The following RNF19B variants were observed in gnomAD, a reference collection of about 807,000 sequenced individuals.
RNF19B encodes the protein ring finger protein 19B.
RNF19B carries 23 observed loss-of-function variants against 65.5 expected under a neutral mutation model. The ratio of observed to expected loss-of-function variants is 0.35; its 90% CI spans 0.25 to 0.50. The LOEUF is 0.50. RNF19B is among the 20% of genes least tolerant of loss of function. The probability of loss-of-function intolerance (pLI) is 0.98; values close to 1 mark genes in which losing one functional copy is unlikely to be tolerated. For missense variants in RNF19B, 794 were observed against 980.0 expected, an observed-to-expected ratio of 0.81 and a Z score of 2.53; for synonymous variants, 372 against 379.6, an observed-to-expected ratio of 0.98 and a Z score of 0.23.
At chr1:32,946,849 C>G (rs1642377817) in intron 3 of RNF19B, among the ~76,000 whole-genome samples, 1 of 152,178 alleles carries the variant, frequency 6.6e-6, no homozygotes, top group South Asian at 2.1e-4. Context: ...CAAAACTGAT[C>G]TAGCTTCCAT....
chr1:32,953,504 T>C (rs1424075303), intron 1 of RNF19B, among the ~76,000 whole-genome samples: 1 of 152,124 alleles, frequency 6.6e-6, no homozygotes, highest in Non-Finnish European at 1.5e-5. Context: ...AGTCTGCAAA[T>C]TGACTTGAGA....
chr1:32,945,584 C>T lies in RNF19B; in HGVS notation c.1191G>A (p.Arg397=). ...YEGRKTSKHK[R]NLAITGGVTL... is the part of the protein sequence containing the mutation. Reference sequence around the variant, plus strand: ...TCACTCCTCCAGTGATAGCCAAATTCCTCTTGTGTTTGGAGGTTTTCCTTC... The same window carrying T: ...TCACTCCTCCAGTGATAGCCAAATTTCTCTTGTGTTTGGAGGTTTTCCTTC... The change falls in exon 5 of 9, where the codon AGG becomes AGA. Residue 397 remains arginine (R), a synonymous_variant. Transcript: ENST00000235150. 6 of 1,613,930 alleles carry T rather than the reference C, an allele frequency of 3.7e-6. No homozygotes were observed. Among genetic ancestry groups the T allele is most frequent in the Non-Finnish European group, 5.1e-6 (6 of 1,179,836 alleles).
chr1:32,938,956 C>T (rs1163949628), intron 7 of RNF19B, among the ~76,000 whole-genome samples: 2 of 152,224 alleles, frequency 1.3e-5, no homozygotes, highest in African/African-American at 2.4e-5. Context: ...AGTTCTATCA[C>T]TCCCTATAGA....
intron 7 of RNF19B, 53 bp downstream of exon 7, chr1:32,942,199 T>G (rs1406251601): frequency 1.4e-6 from 2 of 1,427,372 alleles, no homozygotes; most frequent in Non-Finnish European, 2.0e-6. Context: ...TGGCTCAATG[T>G]GTTACTTCTT....
chr1:32,964,490 CGGGCGGCGGCTGCGCAGCCGG>C lies in RNF19B; in HGVS notation c.175_195del (p.Pro59_Pro65del), dbSNP rs1015946368. The C allele has an allele frequency of 4.5e-5, 42 of 939,516 alleles. No individual in the cohort carries two copies. Among genetic ancestry groups the C allele is most frequent in the African/African-American group, 1.3e-4 (7 of 54,724 alleles). 58.2% of individuals were successfully genotyped at this position (939,516 alleles called of 1,614,324 possible). Reference sequence around the variant, plus strand: ...CCCTGGGCCGCGGCAGGGGCCGGGGCGGGCGGCGGCTGCGCAGCCGGGGGCGGCGGCTCGGCCTGCGGCTTG... The same window carrying C: ...CCCTGGGCCGCGGCAGGGGCCGGGGCGGGCGGCGGCTCGGCCTGCGGCTTG... On this transcript the variant is annotated inframe_deletion, in exon 1 of 9. Transcript: ENST00000235150. The surrounding 1 kb of genome is among the most constrained non-coding windows in gnomAD (Gnocchi z 6.5).
chr1:32,950,788 C>T (rs1642476355), intron 1 of RNF19B, among the ~76,000 whole-genome samples: 1 of 151,874 alleles, frequency 6.6e-6, no homozygotes, highest in African/African-American at 2.4e-5. Flanking sequence ...CAGCCTGCCT[C>T]AGCCTCCCAA....
At chr1:32,933,955 TTGATTTTA>T (rs1294903302), downstream of RNF19B, among the ~76,000 whole-genome samples, 1 of 152,178 alleles carries the variant, frequency 6.6e-6, no homozygotes, top group South Asian at 2.1e-4. Context: ...ACAGACTTCT[TTGATTTTA>T]TCAAAGAAGT....
chr1:32,960,743 TC>T (rs1424931558), intron 1 of RNF19B, among the ~76,000 whole-genome samples: 5 of 151,812 alleles, frequency 3.3e-5, no homozygotes, highest in Non-Finnish European at 2.9e-5. Flanking sequence ...GCAGCAATAA[TC>T]CCAGCACTTT....
intron 1 of RNF19B, among the ~76,000 whole-genome samples, chr1:32,951,724 C>G (rs189585190): frequency 1.3e-5 from 2 of 152,182 alleles, no homozygotes; most frequent in African/African-American, 4.8e-5. Flanking sequence ...CTCCAGAATC[C>G]AAGAATACCA....
chr1:32,956,616 C>T (rs1009065227), intron 1 of RNF19B, among the ~76,000 whole-genome samples: 2 of 152,016 alleles, frequency 1.3e-5, no homozygotes, highest in African/African-American at 2.4e-5. Context: ...GACTACAGAC[C>T]GCCCACCCCA....
Position 32,964,784 on chromosome 1 carries a change from A to G in RNF19B, c.-99T>C. ...CCCGGCCGCCGCCGACGCCGCCACC[A>G]CCGCCTCAACCGCCCTCCCGGCGAT... On this transcript the variant is annotated 5_prime_UTR_variant, in exon 1 of 9. Coordinates refer to ENST00000235150, the MANE Select transcript of RNF19B (RefSeq NM_001300826.2). This position sits in a 1 kb window ranked among gnomAD's most constrained non-coding sequence, Gnocchi z 6.5. The G allele has an allele frequency of 9.2e-7, 1 of 1,083,990 alleles. No individual in the cohort carries two copies. Among genetic ancestry groups the G allele is most frequent in the East Asian group, 3.7e-5 (1 of 27,294 alleles). The allele number at this position is 1,083,990 out of a possible 1,614,324, so 67.1% of individuals were successfully genotyped here. A position where few individuals can be genotyped will look rare whatever the true frequency, so the allele number is the denominator to read the frequency against.
chr1:32,942,522 T>C (rs1642261392), intron 6 of RNF19B, 63 bp from the exon 7 acceptor site: 1 of 1,419,924 alleles, frequency 7.0e-7, no homozygotes, highest in Non-Finnish European at 9.9e-7. Flanking sequence ...AGTAGGCATT[T>C]TCCTGCAATG....
rs567885246 is a variant in RNF19B, at chr1:32,941,278, T to C, written c.1610+974A>G. On this transcript the variant is annotated intron_variant, in intron 7 of 8. Transcript: ENST00000235150. ...AACCATGATGGGCTGGGTGTGGTGG[T>C]TCATGCTTGTAATCCCAGCACTTTG... Among the ~76,000 whole-genome samples the C allele has an allele frequency of 3.7e-4, 56 of 151,928 alleles. No homozygotes were observed. The South Asian group carries it at 0.011, about 30-fold the overall frequency.
intron 1 of RNF19B, among the ~76,000 whole-genome samples, chr1:32,952,107 T>C (rs1275773493): frequency 6.6e-6 from 1 of 151,732 alleles, no homozygotes; most frequent in African/African-American, 2.4e-5. Flanking sequence ...CTGTGACACA[T>C]ATTCTTCATG....
chr1:32,944,308 T>C (rs1570092262), intron 5 of RNF19B, 149 bp from the exon 6 acceptor site: 4 of 776,688 alleles, frequency 5.2e-6, no homozygotes, highest in East Asian at 2.7e-5. Flanking sequence ...TGTAACAGAA[T>C]GATGACCAGG....
At chr1:32,939,927 C>G (rs1420959580) in intron 7 of RNF19B, among the ~76,000 whole-genome samples, 1 of 152,150 alleles carries the variant, frequency 6.6e-6, no homozygotes, top group Non-Finnish European at 1.5e-5. Flanking sequence ...AGTGAATATG[C>G]CAGCATGTGG....
Position 32,938,387 on chromosome 1 carries a change from G to A in RNF19B, c.1742+10C>T, listed in dbSNP as rs1642158439. The stretch of plus-strand genomic sequence containing the variant: ...TGCAACCTCTCCTGGACATCTGACT[G>A]TTCACATACCTGTCCTGTGGGTTGT... On this transcript the variant is annotated intron_variant, in intron 8 of 8. Transcript: ENST00000235150. 1 of 1,613,916 alleles carries A rather than the reference G, an allele frequency of 6.2e-7. No homozygotes were observed. Among genetic ancestry groups the A allele is most frequent in the Non-Finnish European group, 8.5e-7 (1 of 1,179,996 alleles).
rs1417854733 is a variant in RNF19B at position 32,955,551 on chromosome 1, A to G, written c.636-5777T>C. Among the ~76,000 whole-genome samples the G allele has an allele frequency of 3.3e-5, 5 of 149,808 alleles. 1 individual carries two copies. Among genetic ancestry groups the G allele is most frequent in the Non-Finnish European group, 7.5e-5 (5 of 66,480 alleles). ...TCGAGACCAGTCTGGGCAACATGGC[A>G]AAACCCCATCTCTACAAAAAAAAAA... is the stretch of plus-strand genomic sequence containing the variant. On this transcript the variant is annotated intron_variant, in intron 1 of 8. Transcript: ENST00000235150.
chr1:32,942,569 G>A, intron 6 of RNF19B, 110 bp from the exon 7 acceptor site: 3 of 831,708 alleles, frequency 3.6e-6, no homozygotes, highest in Non-Finnish European at 5.7e-6. Flanking sequence ...TTAATGAACA[G>A]GTACTGTGTG....
Sources: allele counts gnomAD v4.1 joint callset (sites outside exome capture counted in the v4.1 genomes callset), GRCh38; gene constraint gnomAD v4.1.1; non-coding constraint Gnocchi (gnomAD v3.1); transcripts MANE v1.5; gene names NCBI Gene and HGNC (gene_info 2026-07-23, HGNC 2026-07-21).